Variants in ANO9 observed in about 807,000 individuals in gnomAD.
The protein encoded by ANO9 is anoctamin 9.
ANO9 carries 80 observed loss-of-function variants against 100.5 expected under a neutral mutation model. The ratio of observed to expected loss-of-function variants is 0.80; its 90% CI spans 0.66 to 0.96. The LOEUF is 0.96. Among genes scored for constraint, ANO9 ranks in the 40% least tolerant of loss-of-function variants. ANO9 has a pLI of 0.00. For synonymous variants in ANO9, 473 were observed against 435.6 expected (o/e 1.09, Z -1.07); for missense variants, 1,064 against 1,072.7 (o/e 0.99, Z 0.11).
rs1849070088 is a variant in ANO9, at chr11:432,216, A to G, written c.351-162T>C. On this transcript the variant is annotated intron_variant, in intron 4 of 22. Transcript: ENST00000332826. This position sits in a 1 kb window ranked among gnomAD's most constrained non-coding sequence, Gnocchi z 4.8. ...GCCCAGAATCCACAACTCACCCGGG[A>G]GCCCACCCCGCACCCTCCTTAAAGT... is the stretch of plus-strand genomic sequence containing the variant. 4 of 720,072 alleles carry G rather than the reference A, an allele frequency of 5.6e-6. No individual in the cohort carries two copies. Among genetic ancestry groups the G allele is most frequent in the Non-Finnish European group, 9.1e-6 (4 of 438,614 alleles). 44.6% of individuals were successfully genotyped at this position (720,072 alleles called of 1,614,324 possible).
At chr11:423,811 A>T (rs1848333808) in intron 15 of ANO9, among the ~76,000 whole-genome samples, 1 of 151,640 alleles carries the variant, frequency 6.6e-6, no homozygotes, top group Non-Finnish European at 1.5e-5. Context: ...GATTACAAGC[A>T]TGAGCCACTG....
At chr11:419,819 C>A in intron 19 of ANO9, 90 bp from the exon 20 acceptor site, 1 of 1,554,984 alleles carries the variant, frequency 6.4e-7, no homozygotes, top group Admixed American at 1.8e-5. Context: ...CGGGGCCTGC[C>A]GTGTCTCTGT....
chr11:420,274 C>A (rs1053655364), intron 19 of ANO9, 189 bp downstream of exon 19: 7 of 1,431,728 alleles, frequency 4.9e-6, no homozygotes, highest in Non-Finnish European at 6.4e-6. Flanking sequence ...AGCGCTCGGC[C>A]CCGCCCACTC....
At chr11:420,093 C>T (rs1187287008) in intron 19 of ANO9, 3 of 1,315,682 alleles carry the variant, frequency 2.3e-6, no homozygotes, top group Admixed American at 3.5e-5. Context: ...TTCCCCACAT[C>T]CAGCGCCCCA....
intron 15 of ANO9, 32 bp downstream of exon 15, chr11:428,056 T>C (rs370309788): frequency 3.2e-5 from 51 of 1,578,688 alleles, no homozygotes; most frequent in Non-Finnish European, 4.2e-5. Flanking sequence ...CCCTCGTGAG[T>C]TGGGTTGGAG....
chr11:436,639 G>A (rs1242623067), intron 1 of ANO9, among the ~76,000 whole-genome samples: 1 of 149,604 alleles, frequency 6.7e-6, no homozygotes, highest in African/African-American at 2.5e-5. Flanking sequence ...CAGGGAGTGA[G>A]CAGGAGGTGA....
rs1848220858 is a variant in ANO9, at chr11:421,909, CAAATA to C, written c.1335-716_1335-712del. Among the ~76,000 whole-genome samples the C allele has an allele frequency of 6.6e-6, 1 of 152,002 alleles. No homozygotes were observed. The highest frequency in any genetic ancestry group is 2.4e-5 in the African/African-American group (1 of 41,354). On this transcript the variant is annotated intron_variant, in intron 15 of 22. Coordinates refer to ENST00000332826, the MANE Select transcript of ANO9 (RefSeq NM_001012302.3). The surrounding 1 kb of genome is among the most constrained non-coding windows in gnomAD (Gnocchi z 6.8). ...TTTAACACGGTTCTGGAATTCCTTG[CAAATA>C]AGCAAGAGAAATATGAAGTATAAAT... is the stretch of plus-strand genomic sequence containing the variant.
intron 15 of ANO9, among the ~76,000 whole-genome samples, chr11:425,889 C>T (rs565648502): frequency 1.3e-4 from 18 of 141,942 alleles, no homozygotes; most frequent in Admixed American, 5.7e-4. Context: ...CCACCACGCC[C>T]GGCTAATTTT....
chr11:428,390 T>C lies in ANO9; in HGVS notation c.1190A>G (p.Asn397Ser). The stretch of plus-strand genomic sequence containing the variant: ...ACAAAGCTTCAGGGCCACGCACCTG[T>C]TGATCTGCGGAGGAGGGCACCGAAT... The part of the protein sequence containing the change: ...YVTIIIMTKI[N>S]RCVALKLCDF... The change falls in exon 14 of 23, where the codon AAC becomes AGC. Residue 397 changes from asparagine (N) to serine (S), a missense_variant. Physicochemically the swap from Asn to Ser is conservative, Grantham distance 46 (BLOSUM62 1). Transcript: ENST00000332826. 6.2e-7 allele frequency: 1 copy of C among 1,612,644 alleles called. No individual in the cohort carries two copies. Among genetic ancestry groups the C allele is most frequent in the South Asian group, 1.1e-5 (1 of 91,074 alleles).
In ANO9 at chr11:420,870, G is replaced by T. The variant is rs773804278; in HGVS notation, c.1491-10C>A. 3.1e-6 allele frequency: 5 copies of T among 1,589,202 alleles called. No individual in the cohort carries two copies. Among genetic ancestry groups the T allele is most frequent in the Non-Finnish European group, 4.3e-6 (5 of 1,170,226 alleles). Reference sequence around the variant, plus strand: ...CTTGTGGGTCACCCACCTGCGGGGAGAGCTGCGTGGCAGGGAGGGCGCAGG... The same window carrying T: ...CTTGTGGGTCACCCACCTGCGGGGATAGCTGCGTGGCAGGGAGGGCGCAGG... On this transcript the variant is annotated splice_polypyrimidine_tract_variant and intron_variant, in intron 17 of 22. Transcript: ENST00000332826.
intron 7 of ANO9, among the ~76,000 whole-genome samples, chr11:430,756 C>CTCCCGCG (rs1848883029): frequency 1.5e-5 from 1 of 66,774 alleles, no homozygotes; most frequent in African/African-American, 6.5e-5. Context: ...TGTGTGGGGG[C>CTCCCGCG]GTTTACAGGA....
chr11:418,836 G>A (rs1328300366), intron 21 of ANO9, 23 bp from the exon 22 acceptor site: 1 of 1,613,406 alleles, frequency 6.2e-7, no homozygotes, highest in Non-Finnish European at 8.5e-7. Context: ...AGTACCTGAG[G>A]TCAGGGGTCA....
At position 432,039 on chromosome 11, in the gene ANO9, G is replaced by A. The variant is rs79298697; in HGVS notation, c.366C>T (p.Ile122=). Residue 122 remains isoleucine (I), a synonymous_variant, in exon 5 of 23, where the codon ATC becomes ATT. Coordinates refer to ENST00000332826, the MANE Select transcript of ANO9 (RefSeq NM_001012302.3). The surrounding 1 kb of genome is among the most constrained non-coding windows in gnomAD (Gnocchi z 4.8). ...IPVTTSLRIR[I]VNFVVMNNKT... is the part of the protein sequence containing the mutation. ...TGTTGTTCATGACAACGAAGTTCAC[G>A]ATTCGGATTCTGAGACTCAAGAGCC... 3.2e-3 allele frequency: 5,082 copies of A among 1,612,934 alleles called. 145 individuals carry two copies. In the African/African-American group the frequency reaches 0.062, roughly 20 times the overall value.
chr11:423,039 A>T (rs988893066), intron 15 of ANO9, among the ~76,000 whole-genome samples: 1 of 152,090 alleles, frequency 6.6e-6, no homozygotes, highest in African/African-American at 2.4e-5. Flanking sequence ...CATGCTGGCC[A>T]GGCTGGTCTC....
At chr11:425,794 C>T (rs111934463) in intron 15 of ANO9, among the ~76,000 whole-genome samples, 1,875 of 151,916 alleles carry the variant, frequency 0.012, 41 homozygotes, top group African/African-American at 0.041. Flanking sequence ...TGCAGTGGCG[C>T]GATCTCAGCT....
chr11:431,388 T>C (rs1388216709), intron 7 of ANO9, among the ~76,000 whole-genome samples: 5 of 93,806 alleles, frequency 5.3e-5, no homozygotes, highest in African/African-American at 2.1e-4. Flanking sequence ...CCCGCGGGTA[T>C]CTGGGGGCGT....
In ANO9 at chr11:422,179, A is replaced by T. The variant is rs1212925995; in HGVS notation, c.1335-981T>A. Among the ~76,000 whole-genome samples, 2 of 152,194 alleles carry T rather than the reference A, an allele frequency of 1.3e-5. No individual in the cohort carries two copies. Among genetic ancestry groups the T allele is most frequent in the Non-Finnish European group, 2.9e-5 (2 of 68,032 alleles). On this transcript the variant is annotated intron_variant, in intron 15 of 22. Transcript: ENST00000332826. This position sits in a 1 kb window ranked among gnomAD's most constrained non-coding sequence, Gnocchi z 4.3. ...ACAAGTTATACCATAACGAGACTGA[A>T]ACTCACAAGGCATCTGTGGGGCCTA...
chr11:437,047 T>G lies in ANO9; in HGVS notation c.7-2949A>C, dbSNP rs76775788. On this transcript the variant is annotated intron_variant, in intron 1 of 22. Coordinates refer to ENST00000332826, the MANE Select transcript of ANO9 (RefSeq NM_001012302.3). ...GAGCGGGGGGTGAGCGGGGGGTGCGTGGGGGGTGAGCTGGGGGTGAATGTT... is the reference window on the plus strand; with the variant it reads ...GAGCGGGGGGTGAGCGGGGGGTGCGGGGGGGGTGAGCTGGGGGTGAATGTT... Among the ~76,000 whole-genome samples, 22 of 58,412 alleles carry G rather than the reference T, an allele frequency of 3.8e-4. No individual in the cohort carries two copies. In the East Asian group the frequency reaches 6.8e-3, roughly 18 times the overall value. The allele number at this position is 58,412 out of a possible 152,430, so 38.3% of individuals were successfully genotyped here.
Position 428,769 on chromosome 11 carries a change from G to A in ANO9, c.973C>T (p.His325Tyr), listed in dbSNP as rs533514986. Reference sequence around the variant, plus strand: ...ATGACGGTGCTGCGTAGGTAGGAGTGCTGGTATGGCCGGAGCTTGTAGTCG... The same window carrying A: ...ATGACGGTGCTGCGTAGGTAGGAGTACTGGTATGGCCGGAGCTTGTAGTCG... ...CPDYKLRPYQ[H>Y]SYLRSTVILV... Residue 325 changes from histidine to tyrosine, a missense_variant, in exon 12 of 23, where the codon CAC (histidine) becomes TAC (tyrosine). By Grantham distance (83) the His-to-Tyr change is moderately conservative. Coordinates refer to ENST00000332826, the MANE Select transcript of ANO9 (RefSeq NM_001012302.3). The A allele has an allele frequency of 5.0e-6, 8 of 1,613,418 alleles. No individual in the cohort carries two copies. In the East Asian group the frequency reaches 1.6e-4, roughly 31 times the overall value.
Sources: allele counts gnomAD v4.1 joint callset (sites outside exome capture counted in the v4.1 genomes callset), GRCh38; gene constraint gnomAD v4.1.1; non-coding constraint Gnocchi (gnomAD v3.1); transcripts MANE v1.5; gene names NCBI Gene and HGNC (gene_info 2026-07-23, HGNC 2026-07-21).